The following ARMH3 variants were observed in gnomAD, a reference collection of about 807,000 sequenced individuals.
The protein encoded by ARMH3 is armadillo-like helical domain-containing protein 3.
In ARMH3, 60 loss-of-function variants were observed where a neutral mutation model predicts 99.1. That is an observed-to-expected ratio of 0.61 (90% CI 0.49 to 0.75). The LOEUF (loss-of-function observed/expected upper bound fraction) is 0.75, where lower values mean the gene tolerates loss of function less well. Ranked by LOEUF, ARMH3 falls within the 30% of genes least tolerant of loss-of-function variation. The pLI, the probability that ARMH3 is intolerant of heterozygous loss-of-function variation, is 0.00. For missense variants in ARMH3, 679 were observed against 843.1 expected, an observed-to-expected ratio of 0.81 and a Z score of 2.41; for synonymous variants, 285 against 292.8, an observed-to-expected ratio of 0.97 and a Z score of 0.27.
rs1316719067 is a variant in ARMH3, at chr10:101,847,609, A to T, written c.1989T>A (p.Ile663=). The T allele has an allele frequency of 6.2e-7, 1 of 1,614,044 alleles. No individual in the cohort carries two copies. The highest frequency in any genetic ancestry group is 8.5e-7 in the Non-Finnish European group (1 of 1,179,960). The change falls in exon 26 of 26, where the codon ATT becomes ATA. Residue 663 remains isoleucine (I), a synonymous_variant. Transcript: ENST00000370033. ...AAFFKELVRS[I]STNVRRNLAF... is the part of the protein sequence containing the mutation. ...CCAGGTTTCTCCGGACGTTGGTGCT[A>T]ATGGATCGAACCTGGGAAAGGGTAG...
intron 8 of ARMH3, among the ~76,000 whole-genome samples, chr10:102,021,075 TTGTG>T (rs1163382948): frequency 1.3e-5 from 2 of 152,150 alleles, no homozygotes; most frequent in East Asian, 1.9e-4. Flanking sequence ...GGTTTAGGTT[TTGTG>T]TGTGTGTTTG....
chr10:101,934,649 G>A (rs17771847), intron 23 of ARMH3, among the ~76,000 whole-genome samples: 7,486 of 152,206 alleles, frequency 0.049, 201 homozygotes, highest in Middle Eastern at 0.095. Flanking sequence ...TGAGCAATCA[G>A]AGAACAGGAT....
intron 16 of ARMH3, 38 bp from the exon 17 acceptor site, chr10:101,993,641 T>C (rs756095214): frequency 1.4e-6 from 2 of 1,385,930 alleles, no homozygotes; most frequent in South Asian, 2.5e-5. Context: ...AAGCGAGAGC[T>C]ATATTTAAGA....
intron 14 of ARMH3, among the ~76,000 whole-genome samples, chr10:102,005,803 G>C (rs1340639914): frequency 6.6e-6 from 1 of 152,110 alleles, no homozygotes; most frequent in Non-Finnish European, 1.5e-5. Context: ...CCAGCCATAA[G>C]ATTTATGAAG....
intron 20 of ARMH3, among the ~76,000 whole-genome samples, chr10:101,974,402 C>G (rs1178801044): frequency 2.6e-5 from 4 of 152,144 alleles, no homozygotes; most frequent in Admixed American, 6.5e-5. Flanking sequence ...GTGGGCAACC[C>G]TTCATCACTG....
intron 20 of ARMH3, among the ~76,000 whole-genome samples, chr10:101,965,447 G>A (rs368419014): frequency 6.6e-6 from 1 of 152,090 alleles, no homozygotes; most frequent in Non-Finnish European, 1.5e-5. Context: ...AATGAACCCC[G>A]GGCAGCCTTC....
At chr10:102,037,083 TTAAAA>T (rs1481011903) in intron 2 of ARMH3, among the ~76,000 whole-genome samples, 2 of 151,332 alleles carry the variant, frequency 1.3e-5, no homozygotes, top group African/African-American at 4.8e-5. Context: ...AATTGATTAA[TTAAAA>T]TAAAACAGCA....
chr10:101,898,164 A>G (rs2067885446), intron 23 of ARMH3, among the ~76,000 whole-genome samples: 1 of 152,094 alleles, frequency 6.6e-6, no homozygotes, highest in South Asian at 2.1e-4. Context: ...AGAAGTGCTT[A>G]GCTCAGGAGC....
chr10:102,051,370 G>A (rs2067701224), intron 1 of ARMH3, among the ~76,000 whole-genome samples: 1 of 151,604 alleles, frequency 6.6e-6, no homozygotes, highest in Admixed American at 6.6e-5. Flanking sequence ...CTACTCAGGA[G>A]GCTGAGGCAG....
chr10:101,960,905 AAAAG>A (rs1319729795), intron 20 of ARMH3, among the ~76,000 whole-genome samples: 5 of 151,880 alleles, frequency 3.3e-5, no homozygotes, highest in Non-Finnish European at 7.4e-5. Context: ...AAAAAAAAAA[AAAAG>A]AAGATTAAAC....
At chr10:101,904,283 G>A (rs1479931246) in intron 23 of ARMH3, among the ~76,000 whole-genome samples, 1 of 152,132 alleles carries the variant, frequency 6.6e-6, no homozygotes, top group Non-Finnish European at 1.5e-5. Context: ...ACCGCCAAGA[G>A]CAGTAAGGCG....
intron 23 of ARMH3, among the ~76,000 whole-genome samples, chr10:101,933,460 C>T (rs2135681061): frequency 6.6e-6 from 1 of 152,308 alleles, no homozygotes; most frequent in South Asian, 2.1e-4. Context: ...TGTAAAACTT[C>T]ATTTTGCAGC....
chr10:101,901,542 C>A (rs1262563255), intron 23 of ARMH3, among the ~76,000 whole-genome samples: 1 of 152,190 alleles, frequency 6.6e-6, no homozygotes. Flanking sequence ...TAGCTGCTCA[C>A]CCACCCACTG....
At chr10:101,990,238 C>T (rs1299567763) in intron 19 of ARMH3, among the ~76,000 whole-genome samples, 1 of 146,146 alleles carries the variant, frequency 6.8e-6, no homozygotes, top group African/African-American at 2.6e-5. Flanking sequence ...GGCTGGAGTG[C>T]AGTGGCACAA....
intron 24 of ARMH3, among the ~76,000 whole-genome samples, chr10:101,871,053 T>G (rs1320268302): frequency 6.6e-6 from 1 of 152,090 alleles, no homozygotes; most frequent in Non-Finnish European, 1.5e-5. Context: ...TTCCATAAAC[T>G]AGCAACAAAC....
chr10:101,847,049 C>G lies in ARMH3; in HGVS notation c.*479G>C, dbSNP rs2066480858. On this transcript the variant is annotated 3_prime_UTR_variant, in exon 26 of 26. Transcript: ENST00000370033. ...TGACTGGACAAAGTGCCAGTGCAGG[C>G]AGGGGACACAGATTTCAAGCCAAGC... 1 of 156,572 alleles carries G rather than the reference C, an allele frequency of 6.4e-6. No individual in the cohort carries two copies. Among genetic ancestry groups the G allele is most frequent in the African/African-American group, 2.4e-5 (1 of 41,522 alleles). 9.7% of individuals were successfully genotyped at this position (156,572 alleles called of 1,614,324 possible). A position where few individuals can be genotyped will look rare whatever the true frequency, so the allele number is the denominator to read the frequency against.
At chr10:102,052,625 A>C (rs1293137992) in intron 1 of ARMH3, among the ~76,000 whole-genome samples, 1 of 152,218 alleles carries the variant, frequency 6.6e-6, no homozygotes, top group Non-Finnish European at 1.5e-5. Context: ...TATAAATTAC[A>C]TAAGCATAGT....
chr10:101,870,904 T>C (rs1301858118), intron 24 of ARMH3, among the ~76,000 whole-genome samples: 2 of 152,012 alleles, frequency 1.3e-5, no homozygotes, highest in Non-Finnish European at 2.9e-5. Flanking sequence ...CATGCTACTG[T>C]ACTCTAGCCT....
At chr10:101,984,447 C>T (rs1032144371) in intron 19 of ARMH3, among the ~76,000 whole-genome samples, 1 of 152,144 alleles carries the variant, frequency 6.6e-6, no homozygotes, top group African/African-American at 2.4e-5. Flanking sequence ...TGACTAGATG[C>T]TGCCCATACA....
Sources: allele counts gnomAD v4.1 joint callset (sites outside exome capture counted in the v4.1 genomes callset), GRCh38; gene constraint gnomAD v4.1.1; transcripts MANE v1.5; gene names NCBI Gene and HGNC (gene_info 2026-07-23, HGNC 2026-07-21).